The following THNSL1 variants were observed in gnomAD, a reference collection of about 807,000 sequenced individuals.
THNSL1 encodes the protein threonine synthase-like 1.
Under a neutral mutation model 50.4 loss-of-function variants are expected in THNSL1, and 48 were observed. The ratio of observed to expected loss-of-function variants is 0.95; its 90% confidence interval spans 0.76 to 1.21. The LOEUF is 1.21. THNSL1 is among the 50% of genes most tolerant of loss of function. The probability of loss-of-function intolerance (pLI) is 0.00; values close to 1 mark genes in which losing one functional copy is unlikely to be tolerated. For missense variants in THNSL1, 896 were observed against 871.7 expected (o/e 1.03, Z -0.35); for synonymous variants, 309 against 306.1 (o/e 1.01, Z -0.10).
the THNSL1 span, among the ~76,000 whole-genome samples, chr10:24,966,993 T>C: frequency 6.6e-6 from 1 of 152,168 alleles, no homozygotes; most frequent in East Asian, 1.9e-4. Flanking sequence ...TGAAAAGTCA[T>C]AACAATTTAT....
chr10:24,999,623 T>C, the THNSL1 span: 2 of 1,275,232 alleles, frequency 1.6e-6, no homozygotes, highest in South Asian at 1.3e-5. Context: ...AGTTTAAATC[T>C]TACATTTTTA....
In THNSL1 at chr10:25,026,077, C is replaced by T. The variant is rs1192941177; in HGVS notation, c.*622C>T. 1 of 154,514 alleles carries T rather than the reference C, an allele frequency of 6.5e-6. No homozygotes were observed. The highest frequency in any genetic ancestry group is 2.4e-5 in the African/African-American group (1 of 41,460). 9.6% of individuals were successfully genotyped at this position (154,514 alleles called of 1,614,324 possible). A position where few individuals can be genotyped will look rare whatever the true frequency, so the allele number is the denominator to read the frequency against. ...TATTTTTAATAGAGATGAGGTTTCG[C>T]CATGTTTTCCAGGCTGATCTTGAAC... On this transcript the variant is annotated 3_prime_UTR_variant, in exon 3 of 3. Transcript: ENST00000376356.
chr10:24,988,250 A>G, the THNSL1 span, among the ~76,000 whole-genome samples: 26 of 140,278 alleles, frequency 1.9e-4, no homozygotes, highest in East Asian at 1.2e-3. Context: ...ATATATATAT[A>G]TGTGTATATA....
intron 1 of THNSL1, among the ~76,000 whole-genome samples, chr10:25,020,238 A>AT (rs1554772121): frequency 1.0e-4 from 13 of 126,562 alleles, no homozygotes; most frequent in East Asian, 5.7e-4. Context: ...TTTCTTTAAA[A>AT]TATATCTATA....
chr10:24,978,064 G>A, the THNSL1 span, among the ~76,000 whole-genome samples: 23 of 152,258 alleles, frequency 1.5e-4, no homozygotes, highest in South Asian at 4.8e-3. Context: ...TACATCTAAA[G>A]GCTATATCTG....
At chr10:24,984,905 C>T in the THNSL1 span, 1 of 1,609,664 alleles carries the variant, frequency 6.2e-7, no homozygotes, top group Non-Finnish European at 8.5e-7. Flanking sequence ...TTTTTCAGCC[C>T]CTGCAAATGG....
chr10:25,002,202 C>T, the THNSL1 span, among the ~76,000 whole-genome samples: 1 of 152,226 alleles, frequency 6.6e-6, no homozygotes, highest in African/African-American at 2.4e-5. Flanking sequence ...CTGGTGGGAA[C>T]ACGAACTTTA....
the THNSL1 span, among the ~76,000 whole-genome samples, chr10:24,986,154 T>A: frequency 6.6e-6 from 1 of 152,240 alleles, no homozygotes; most frequent in Non-Finnish European, 1.5e-5. Flanking sequence ...TACATTTAGG[T>A]GTAAAAGAGG....
chr10:24,995,690 C>T, the THNSL1 span: 19 of 1,614,010 alleles, frequency 1.2e-5, no homozygotes, highest in Non-Finnish European at 1.6e-5. Flanking sequence ...GGCTCAAGAT[C>T]ATGCTTGTCT....
chr10:24,976,587 T>C, the THNSL1 span, among the ~76,000 whole-genome samples: 1 of 152,098 alleles, frequency 6.6e-6, no homozygotes, highest in African/African-American at 2.4e-5. Context: ...CCTCCTGGGT[T>C]CAAGTGATTC....
At position 25,025,366 on chromosome 10, in the gene THNSL1, C is replaced by G; in HGVS notation, c.2143C>G (p.Gln715Glu). Residue 715 changes from glutamine to glutamate, a missense_variant, in exon 3 of 3, where the codon CAA (glutamine) becomes GAA (glutamate). Transcript: ENST00000376356. ...GGCTTTATTAGAGAGAACAAAACAGCAAGAGAAGATGGAGTACCAGGTCTG... is the reference window on the plus strand; with the variant it reads ...GGCTTTATTAGAGAGAACAAAACAGGAAGAGAAGATGGAGTACCAGGTCTG... ...HEALLERTKQ[Q>E]EKMEYQVCAA... is the part of the protein sequence containing the mutation. 1 of 1,614,148 alleles carries G rather than the reference C, an allele frequency of 6.2e-7. No homozygotes were observed.
At chr10:24,972,933 T>C in the THNSL1 span, among the ~76,000 whole-genome samples, 1 of 152,214 alleles carries the variant, frequency 6.6e-6, no homozygotes, top group South Asian at 2.1e-4. Context: ...CTCAACCCTT[T>C]ATATACTACA....
the THNSL1 span, among the ~76,000 whole-genome samples, chr10:24,967,911 G>A: frequency 3.3e-5 from 5 of 151,006 alleles, no homozygotes; most frequent in African/African-American, 1.2e-4. Context: ...TGATGTATGT[G>A]TATACGTGTG....
the THNSL1 span, among the ~76,000 whole-genome samples, chr10:24,963,209 G>A: frequency 3.3e-5 from 5 of 152,170 alleles, no homozygotes; most frequent in African/African-American, 4.8e-5. Flanking sequence ...AAGCTTAAGC[G>A]ATATAGACAG....
the THNSL1 span, among the ~76,000 whole-genome samples, chr10:25,007,703 G>T: frequency 6.6e-6 from 1 of 152,040 alleles, no homozygotes; most frequent in Non-Finnish European, 1.5e-5. Context: ...CAAAGTGCTG[G>T]GATTACAGGC....
chr10:24,988,664 GTATATATATATATATATATATATATATA>G, the THNSL1 span, among the ~76,000 whole-genome samples: 128 of 98,878 alleles, frequency 1.3e-3, 1 homozygote, highest in Middle Eastern at 0.012. Context: ...CACAGCATAT[GTATATATATATATATATATATATATATA>G]TATATATATA....
chr10:24,957,579 C>T, the THNSL1 span, among the ~76,000 whole-genome samples: 1 of 152,114 alleles, frequency 6.6e-6, no homozygotes, highest in Non-Finnish European at 1.5e-5. Flanking sequence ...ATCTCAGATT[C>T]AGGTGATTGT....
At chr10:24,975,474 A>G in the THNSL1 span, among the ~76,000 whole-genome samples, 2 of 152,302 alleles carry the variant, frequency 1.3e-5, no homozygotes, top group African/African-American at 4.8e-5. Context: ...TCCCCACCCA[A>G]ATCTCATCTT....
the THNSL1 span, among the ~76,000 whole-genome samples, chr10:25,001,931 T>C: frequency 8.5e-5 from 13 of 152,328 alleles, no homozygotes; most frequent in Non-Finnish European, 1.8e-4. Context: ...ATGCCAAACA[T>C]TGTGAATTTT....
Sources: allele counts gnomAD v4.1 joint callset (sites outside exome capture counted in the v4.1 genomes callset), GRCh38; gene constraint gnomAD v4.1.1; transcripts MANE v1.5; gene names NCBI Gene and HGNC (gene_info 2026-07-23, HGNC 2026-07-21).